The following KITLG variants were observed in gnomAD, a reference collection of about 807,000 sequenced individuals.
The protein encoded by KITLG is KIT ligand.
In KITLG, 13 loss-of-function variants were observed where a neutral mutation model predicts 34.1. The ratio of observed to expected loss-of-function variants is 0.38; its 90% CI spans 0.25 to 0.61. The LOEUF is 0.61. Among genes scored for constraint, KITLG ranks in the 20% least tolerant of loss-of-function variants. KITLG has a pLI of 0.60. For missense variants in KITLG, 292 were observed against 318.9 expected (o/e 0.92, Z 0.64); for synonymous variants, 110 against 104.0 (o/e 1.06, Z -0.35).
chr12:88,521,785 C>T lies in KITLG; in HGVS notation c.193-2918G>A, dbSNP rs191090905. Among the ~76,000 whole-genome samples the T allele has an allele frequency of 3.7e-3, 558 of 152,244 alleles. 3 individuals are homozygous for T. The highest frequency in any genetic ancestry group is 0.012 in the African/African-American group (514 of 41,568). ...TTGAGTGTAAAAACTTTTTTCTTGA[C>T]TCCATGCTCTCAATTTCTTACCTTC... is the stretch of plus-strand genomic sequence containing the variant. On this transcript the variant is annotated intron_variant, in intron 3 of 9. Transcript: ENST00000644744.
At chr12:88,541,242 C>T (rs1368149407) in intron 2 of KITLG, among the ~76,000 whole-genome samples, 3 of 152,048 alleles carry the variant, frequency 2.0e-5, no homozygotes, top group Non-Finnish European at 4.4e-5. Flanking sequence ...TATCACAAGA[C>T]CAGGAAGACA....
At chr12:88,507,369 A>G (rs1166443653) in intron 6 of KITLG, among the ~76,000 whole-genome samples, 2 of 152,236 alleles carry the variant, frequency 1.3e-5, no homozygotes, top group Non-Finnish European at 2.9e-5. Flanking sequence ...AGACAGAAAG[A>G]GATCTGGCTT....
intron 1 of KITLG, among the ~76,000 whole-genome samples, chr12:88,552,480 G>A (rs1870952166): frequency 6.6e-6 from 1 of 151,778 alleles, no homozygotes; most frequent in Admixed American, 6.6e-5. Flanking sequence ...ATGAGCCACT[G>A]CACCCGGCCA....
Position 88,511,337 on chromosome 12 carries a change from G to A in KITLG, c.604+4197C>T, listed in dbSNP as rs150984563. 7.2e-5 allele frequency among the ~76,000 whole-genome samples: 11 copies of A among 152,234 alleles called. No individual in the cohort carries two copies. In the East Asian group the frequency reaches 1.2e-3, roughly 16 times the overall value. On this transcript the variant is annotated intron_variant, in intron 6 of 9. Transcript: ENST00000644744. The stretch of plus-strand genomic sequence containing the variant: ...ACAGCAGTACAAATGTGTAATTCAC[G>A]AGACAGGGCATCCACACTAAGTGAG...
chr12:88,573,027 G>A (rs985149612), intron 1 of KITLG, among the ~76,000 whole-genome samples: 7 of 152,230 alleles, frequency 4.6e-5, no homozygotes, highest in African/African-American at 1.7e-4. Flanking sequence ...TCCCTAATGT[G>A]TTTACTATTT....
intron 9 of KITLG, among the ~76,000 whole-genome samples, chr12:88,499,654 C>T (rs1485565532): frequency 6.6e-6 from 1 of 152,136 alleles, no homozygotes; most frequent in Non-Finnish European, 1.5e-5. Context: ...AGCTTCTTCT[C>T]CTGATTTTCC....
chr12:88,524,420 T>C (rs896506275), intron 3 of KITLG, among the ~76,000 whole-genome samples: 6 of 152,206 alleles, frequency 3.9e-5, no homozygotes, highest in Admixed American at 2.0e-4. Flanking sequence ...ATTTAGTGTA[T>C]GAACTGTAAT....
At chr12:88,537,695 G>T (rs968622896) in intron 2 of KITLG, among the ~76,000 whole-genome samples, 2 of 151,744 alleles carry the variant, frequency 1.3e-5, no homozygotes, top group Non-Finnish European at 2.9e-5. Flanking sequence ...AATGAAATCT[G>T]AAACACTTTT....
At chr12:88,518,262 G>A (rs1180795587) in intron 4 of KITLG, among the ~76,000 whole-genome samples, 1 of 152,110 alleles carries the variant, frequency 6.6e-6, no homozygotes, top group African/African-American at 2.4e-5. Flanking sequence ...GTGATGATCA[G>A]TTATCCAATG....
chr12:88,535,067 A>G (rs1414682708), intron 2 of KITLG, among the ~76,000 whole-genome samples: 1 of 152,198 alleles, frequency 6.6e-6, no homozygotes, highest in Non-Finnish European at 1.5e-5. Context: ...TTATTTTAAA[A>G]ATACAAAAAT....
At chr12:88,513,281 G>C (rs547285279) in intron 6 of KITLG, among the ~76,000 whole-genome samples, 1 of 151,160 alleles carries the variant, frequency 6.6e-6, no homozygotes, top group Admixed American at 6.6e-5. Flanking sequence ...AATGCAAAAG[G>C]GTGCTGTTGA....
chr12:88,509,037 G>T (rs1198809031), intron 6 of KITLG, among the ~76,000 whole-genome samples: 2 of 151,984 alleles, frequency 1.3e-5, no homozygotes, highest in Admixed American at 1.3e-4. Context: ...ATCTGCTGTG[G>T]CCCCCATTAT....
In KITLG at chr12:88,506,376, C is replaced by A; in HGVS notation, c.717G>T (p.Lys239Asn). 6.2e-7 allele frequency: 1 copy of A among 1,600,932 alleles called. No individual in the cohort carries two copies. The highest frequency in any genetic ancestry group is 8.6e-7 in the Non-Finnish European group (1 of 1,168,096). The part of the protein sequence containing the change: ...GFAFGALYWK[K>N]RQPSLTRAVE... ...CTGCCCTTGTAAGACTTGGCTGTCTCTTCTGGAAAAAGAAGAAAGACATAT... is the reference window on the plus strand; with the variant it reads ...CTGCCCTTGTAAGACTTGGCTGTCTATTCTGGAAAAAGAAGAAAGACATAT... The change falls in exon 8 of 10, where the codon AAG becomes AAT. Residue 239 changes from lysine to asparagine, a missense_variant and splice_region_variant. Lys to Asn is a moderately conservative substitution (Grantham distance 94, BLOSUM62 0). Around this residue, in one of 2 missense-constraint regions of KITLG, gnomAD observed 140 missense variants for 111.0 expected, o/e 1.26. Coordinates refer to ENST00000644744, the MANE Select transcript of KITLG (RefSeq NM_000899.5).
intron 6 of KITLG, among the ~76,000 whole-genome samples, chr12:88,510,145 G>C (rs1287929482): frequency 6.6e-6 from 1 of 152,114 alleles, no homozygotes; most frequent in Non-Finnish European, 1.5e-5. Flanking sequence ...ACCAACATCT[G>C]TAGAAATACA....
At chr12:88,501,572 T>C (rs1442525303) in intron 9 of KITLG, among the ~76,000 whole-genome samples, 2 of 152,124 alleles carry the variant, frequency 1.3e-5, no homozygotes, top group Non-Finnish European at 2.9e-5. Context: ...TTTCCATCTC[T>C]GCTGGTAGAA....
At chr12:88,561,723 G>C (rs1029214111) in intron 1 of KITLG, among the ~76,000 whole-genome samples, 1 of 152,124 alleles carries the variant, frequency 6.6e-6, no homozygotes, top group South Asian at 2.1e-4. Context: ...CCATGTTTAC[G>C]CCTTAGTAAC....
chr12:88,567,173 AAG>A (rs1422045399), intron 1 of KITLG, among the ~76,000 whole-genome samples: 2 of 152,162 alleles, frequency 1.3e-5, no homozygotes, highest in African/African-American at 4.8e-5. Flanking sequence ...CAATATCTAA[AAG>A]AGATTTCTGC....
At chr12:88,503,419 A>G (rs2120794225) in intron 9 of KITLG, among the ~76,000 whole-genome samples, 1 of 152,298 alleles carries the variant, frequency 6.6e-6, no homozygotes, top group South Asian at 2.1e-4. Context: ...TCTAGGTAAT[A>G]AAGAGGAGAG....
chr12:88,513,863 C>G (rs2120829039), intron 6 of KITLG, among the ~76,000 whole-genome samples: 1 of 151,562 alleles, frequency 6.6e-6, no homozygotes, highest in Non-Finnish European at 1.5e-5. Context: ...AAAAATTAGA[C>G]AAAAAGCTTA....
Sources: allele counts gnomAD v4.1 joint callset (sites outside exome capture counted in the v4.1 genomes callset), GRCh38; gene constraint gnomAD v4.1.1; regional missense constraint gnomAD v4.1.1; transcripts MANE v1.5; gene names NCBI Gene and HGNC (gene_info 2026-07-23, HGNC 2026-07-21).